Variants in PLA2G4E observed in about 807,000 individuals in gnomAD.
PLA2G4E encodes cytosolic phospholipase A2 epsilon.
Under a neutral mutation model 109.1 loss-of-function variants are expected in PLA2G4E, and 84 were observed. The ratio of observed to expected loss-of-function variants is 0.77; its 90% CI spans 0.65 to 0.92. PLA2G4E has a LOEUF of 0.92. PLA2G4E is among the 40% of genes least tolerant of loss of function. PLA2G4E has a pLI of 0.00. For synonymous variants in PLA2G4E, 469 were observed against 436.1 expected (o/e 1.08, Z -0.94); for missense variants, 1,057 against 1,076.6 (o/e 0.98, Z 0.25).
At chr15:42,043,976 A>C (rs1054496255) in intron 1 of PLA2G4E, among the ~76,000 whole-genome samples, 1 of 152,186 alleles carries the variant, frequency 6.6e-6, no homozygotes, top group Admixed American at 6.5e-5. Context: ...ACTAACCGTA[A>C]GTGTACTTGG....
chr15:42,005,528 T>G (rs1273245958), intron 4 of PLA2G4E, among the ~76,000 whole-genome samples: 1 of 87,798 alleles, frequency 1.1e-5, no homozygotes, highest in Non-Finnish European at 2.1e-5. Flanking sequence ...GCTGGCAGAA[T>G]GATTGAATTG....
At chr15:42,004,484 G>A (rs910949379) in intron 5 of PLA2G4E, among the ~76,000 whole-genome samples, 3 of 152,096 alleles carry the variant, frequency 2.0e-5, no homozygotes, top group Admixed American at 6.5e-5. Flanking sequence ...TCCCATTGAC[G>A]TGGTTCCAGA....
At chr15:41,989,313 T>C (rs2068200717) in intron 15 of PLA2G4E, 102 bp downstream of exon 15, 2 of 1,495,744 alleles carry the variant, frequency 1.3e-6, no homozygotes, top group Admixed American at 3.8e-5. Context: ...GATGAGACAA[T>C]GCTGGCAAGT....
chr15:41,988,280 G>T, intron 15 of PLA2G4E, 124 bp from the exon 16 acceptor site: 1 of 642,916 alleles, frequency 1.6e-6, no homozygotes, highest in Non-Finnish European at 2.6e-6. Context: ...AGGCGGGACA[G>T]ACTTCAGACT....
At chr15:42,013,700 G>A (rs933457406) in exon 2 of PLA2G4E, 15 of 1,550,566 alleles carry the variant, frequency 9.7e-6, no homozygotes, top group African/African-American at 2.7e-5. Flanking sequence ...TCAGCCTGCC[G>A]GACATTTTTC....
chr15:42,036,782 C>G (rs1031381727), intron 1 of PLA2G4E, among the ~76,000 whole-genome samples: 4 of 152,136 alleles, frequency 2.6e-5, no homozygotes, highest in African/African-American at 9.7e-5. Context: ...CTGGCGGGAG[C>G]CGGGAGCCGG....
intron 1 of PLA2G4E, among the ~76,000 whole-genome samples, chr15:42,048,603 G>A (rs1230224592): frequency 6.6e-6 from 1 of 152,198 alleles, no homozygotes; most frequent in East Asian, 1.9e-4. Flanking sequence ...GGGATGACGG[G>A]GCGGAGGGGA....
chr15:42,025,346 A>G (rs1198795808), intron 1 of PLA2G4E, among the ~76,000 whole-genome samples: 3 of 152,204 alleles, frequency 2.0e-5, no homozygotes, highest in African/African-American at 7.2e-5. Flanking sequence ...ATACTCTCTT[A>G]CAGACTAAGA....
chr15:41,990,425 C>A (rs764501332), intron 13 of PLA2G4E, among the ~76,000 whole-genome samples, 190 bp from the exon 14 acceptor site: 5 of 152,160 alleles, frequency 3.3e-5, no homozygotes, highest in Non-Finnish European at 7.4e-5. Flanking sequence ...GCACCACCCC[C>A]TCGGGCTGCC....
At chr15:41,984,915 C>A (rs754002618) in intron 18 of PLA2G4E, among the ~76,000 whole-genome samples, 2 of 152,166 alleles carry the variant, frequency 1.3e-5, no homozygotes, top group South Asian at 4.1e-4. Context: ...CCTGGAAGGG[C>A]GACTGGAACC....
At chr15:41,990,571 G>A (rs988095707) in intron 13 of PLA2G4E, among the ~76,000 whole-genome samples, 14 of 151,958 alleles carry the variant, frequency 9.2e-5, no homozygotes, top group South Asian at 4.2e-4. Context: ...CTGCCCCATC[G>A]TCTTCCCTCT....
intron 6 of PLA2G4E, among the ~76,000 whole-genome samples, chr15:42,002,096 G>A (rs1214275019): frequency 1.3e-5 from 2 of 152,040 alleles, no homozygotes; most frequent in Admixed American, 6.5e-5. Context: ...GATCGCTTGA[G>A]CTCAGGAGTT....
intron 5 of PLA2G4E, among the ~76,000 whole-genome samples, chr15:42,003,581 G>A (rs1486031772): frequency 6.6e-6 from 1 of 152,214 alleles, no homozygotes; most frequent in South Asian, 2.1e-4. Flanking sequence ...GGAGAGCTTC[G>A]ATTTTCTTCA....
intron 1 of PLA2G4E, among the ~76,000 whole-genome samples, chr15:42,021,832 G>A (rs557657981): frequency 6.6e-6 from 1 of 152,164 alleles, no homozygotes; most frequent in Non-Finnish European, 1.5e-5. Context: ...CCCCACAACC[G>A]GCTTTTCTGG....
At chr15:41,994,309 G>GT (rs945353642) in intron 12 of PLA2G4E, among the ~76,000 whole-genome samples, 10 of 148,022 alleles carry the variant, frequency 6.8e-5, no homozygotes, top group African/African-American at 2.0e-4. Flanking sequence ...CCCCCGGGGG[G>GT]GTGTGTGGCA....
intron 18 of PLA2G4E, 146 bp downstream of exon 18, chr15:41,985,693 T>G: frequency 9.6e-7 from 1 of 1,044,240 alleles, no homozygotes; most frequent in South Asian, 1.7e-5. Context: ...CTTCCCATCA[T>G]GACTGCTGCT....
intron 17 of PLA2G4E, 90 bp downstream of exon 17, chr15:41,987,082 T>G: frequency 2.4e-5 from 32 of 1,349,400 alleles, no homozygotes; most frequent in East Asian, 4.8e-5. Context: ...CCAGAGAAGT[T>G]TTCTTATTCT....
chr15:41,987,146 C>T (rs774962061), intron 17 of PLA2G4E, 26 bp downstream of exon 17: 1 of 1,595,566 alleles, frequency 6.3e-7, no homozygotes, highest in Non-Finnish European at 8.6e-7. Context: ...GGAGGCAGGC[C>T]TCAAGGAGTA....
intron 1 of PLA2G4E, among the ~76,000 whole-genome samples, chr15:42,020,954 G>A (rs74008943): frequency 0.029 from 4,350 of 151,900 alleles, 71 homozygotes; most frequent in East Asian, 0.086. Flanking sequence ...ACAGGTGGCC[G>A]AGGGCCTGCT....
Sources: gnomAD v4.1 joint callset for allele counts (sites outside exome capture counted in the v4.1 genomes callset) on GRCh38, gnomAD v4.1.1 for gene constraint, MANE v1.5 for transcripts, NCBI Gene and HGNC (gene_info 2026-07-23, HGNC 2026-07-21) for gene names.